GRAMD1C: variants seen among roughly 807,000 people sequenced by gnomAD.
GRAMD1C encodes the protein protein Aster-C.
In GRAMD1C, 89 loss-of-function variants were observed where a neutral mutation model predicts 97.8. The observed-to-expected ratio is 0.91, with a 90% CI of 0.77 to 1.09. The LOEUF (loss-of-function observed/expected upper bound fraction) is 1.09. Among genes scored for constraint, GRAMD1C ranks in the 50% least tolerant of loss-of-function variants. The pLI is 0.00. For missense variants in GRAMD1C, 740 were observed against 766.4 expected, an observed-to-expected ratio of 0.97 and a Z score of 0.41; for synonymous variants, 256 against 267.0, an observed-to-expected ratio of 0.96 and a Z score of 0.40.
intron 3 of GRAMD1C, among the ~76,000 whole-genome samples, chr3:113,872,391 C>CTTTTTTTT (rs777339692): frequency 7.7e-4 from 90 of 117,444 alleles, no homozygotes; most frequent in African/African-American, 1.6e-3. Context: ...TCTTTTTTTT[C>CTTTTTTTT]TTTTTTTTTT....
rs571791066 is a variant in GRAMD1C, at chr3:113,862,352, T to G, written c.175-7155T>G. On this transcript the variant is annotated intron_variant, in intron 2 of 17. Coordinates refer to ENST00000358160, the MANE Select transcript of GRAMD1C (RefSeq NM_017577.5). ...TCAGAGGCCTACCCTCAGGGACACA[T>G]TCTCTTTCTCAGGGATGTTCCTTGC... 1.1e-4 allele frequency among the ~76,000 whole-genome samples: 17 copies of G among 152,316 alleles called. No homozygotes were observed. The East Asian group carries it at 3.3e-3, about 29-fold the overall frequency.
At chr3:113,920,203 T>C (rs1482677441) in intron 10 of GRAMD1C, 3 of 1,269,300 alleles carry the variant, frequency 2.4e-6, no homozygotes, top group East Asian at 2.4e-5. Flanking sequence ...AAATGTGAAC[T>C]GAATAGGAGA....
Position 113,861,062 on chromosome 3 carries a change from T to C in GRAMD1C, c.175-8445T>C, listed in dbSNP as rs115470001. 8.7e-3 allele frequency among the ~76,000 whole-genome samples: 1,328 copies of C among 151,848 alleles called. 20 individuals are homozygous for C. Among genetic ancestry groups the C allele is most frequent in the African/African-American group, 0.028 (1,161 of 41,402 alleles). Reference sequence around the variant, plus strand: ...AATAAACCCTTAAGTTTATGATAAATTGATTTTTGAGTGTCAAAACAATTT... The same window carrying C: ...AATAAACCCTTAAGTTTATGATAAACTGATTTTTGAGTGTCAAAACAATTT... On this transcript the variant is annotated intron_variant, in intron 2 of 17. Transcript: ENST00000358160.
rs780554482 is a variant in GRAMD1C, at chr3:113,940,288, A to G, written c.1851A>G (p.Lys617=). Residue 617 remains lysine (K), a synonymous_variant, in exon 17 of 18, where the codon AAA becomes AAG. Transcript: ENST00000358160. ...VSRAETIQKN[K]DQAHRLKGVL... is the part of the protein sequence containing the mutation. ...GAGCAGAAACTATTCAGAAGAATAAAGATCAGGCCCATCGTTTAAAGGGAG... is the reference window on the plus strand; with the variant it reads ...GAGCAGAAACTATTCAGAAGAATAAGGATCAGGCCCATCGTTTAAAGGGAG... 1 of 1,612,172 alleles carries G rather than the reference A, an allele frequency of 6.2e-7. No homozygotes were observed. Among genetic ancestry groups the G allele is most frequent in the Non-Finnish European group, 8.5e-7 (1 of 1,178,172 alleles).
chr3:113,870,116 C>T (rs1934737263), intron 3 of GRAMD1C, among the ~76,000 whole-genome samples: 1 of 151,750 alleles, frequency 6.6e-6, no homozygotes, highest in African/African-American at 2.4e-5. Flanking sequence ...TATCCCAGCA[C>T]ATTGGGAGAC....
chr3:113,920,227 G>T, intron 10 of GRAMD1C: 1 of 1,005,542 alleles, frequency 9.9e-7, no homozygotes. Flanking sequence ...AAAAAAAAAA[G>T]CAACAAATTC....
At chr3:113,861,020 A>G (rs1466598901) in intron 2 of GRAMD1C, among the ~76,000 whole-genome samples, 1 of 151,874 alleles carries the variant, frequency 6.6e-6, no homozygotes, top group Non-Finnish European at 1.5e-5. Flanking sequence ...TTAAGGGAGT[A>G]GAATTGAGAG....
At chr3:113,850,238 T>C in intron 2 of GRAMD1C, 2 of 610,764 alleles carry the variant, frequency 3.3e-6, no homozygotes, top group South Asian at 2.8e-5. Flanking sequence ...TCTCCAGTTT[T>C]ACTGAGGTGG....
At chr3:113,930,263 A>G (rs1219922780) in intron 10 of GRAMD1C, among the ~76,000 whole-genome samples, 1 of 152,214 alleles carries the variant, frequency 6.6e-6, no homozygotes, top group Non-Finnish European at 1.5e-5. Flanking sequence ...TAACATTGAC[A>G]TAATTTCTAT....
chr3:113,887,591 C>G (rs1253507212), intron 6 of GRAMD1C, among the ~76,000 whole-genome samples: 1 of 135,018 alleles, frequency 7.4e-6, no homozygotes, highest in Non-Finnish European at 1.6e-5. Context: ...GTCCCAGCTA[C>G]TCGGGAGGCT....
At chr3:113,858,641 G>A (rs540763912) in intron 2 of GRAMD1C, among the ~76,000 whole-genome samples, 8 of 151,866 alleles carry the variant, frequency 5.3e-5, no homozygotes, top group South Asian at 2.1e-4. Context: ...TGACCCACCC[G>A]CCTTGTCTTC....
At chr3:113,930,608 T>C (rs558008093) in intron 10 of GRAMD1C, 106 bp from the exon 11 acceptor site, 1 of 656,086 alleles carries the variant, frequency 1.5e-6, no homozygotes, top group African/African-American at 1.8e-5. Flanking sequence ...AAGTTAGCAC[T>C]AGTCAAAAAT....
intron 10 of GRAMD1C, among the ~76,000 whole-genome samples, chr3:113,917,009 C>T (rs1441969435): frequency 6.6e-6 from 1 of 151,848 alleles, no homozygotes; most frequent in East Asian, 1.9e-4. Flanking sequence ...GGTGGTGCAC[C>T]CCTGTAGTCT....
At chr3:113,856,226 C>T (rs182155222) in intron 2 of GRAMD1C, among the ~76,000 whole-genome samples, 4 of 152,160 alleles carry the variant, frequency 2.6e-5, no homozygotes, top group Admixed American at 1.3e-4. Flanking sequence ...TCAACCTCCT[C>T]CTCTTTTACT....
intron 1 of GRAMD1C, among the ~76,000 whole-genome samples, chr3:113,844,129 G>A (rs958605887): frequency 6.6e-6 from 1 of 152,062 alleles, no homozygotes; most frequent in African/African-American, 2.4e-5. Flanking sequence ...TTTGTTGCAT[G>A]TATAAATGTA....
chr3:113,879,600 C>CTTG (rs1443938684), intron 5 of GRAMD1C, among the ~76,000 whole-genome samples: 2 of 151,750 alleles, frequency 1.3e-5, no homozygotes, highest in African/African-American at 2.4e-5. Context: ...TCACCCCATT[C>CTTG]TTGTTCTAAT....
chr3:113,885,187 C>G, intron 6 of GRAMD1C: 1 of 649,754 alleles, frequency 1.5e-6, no homozygotes, highest in Non-Finnish European at 2.7e-6. Flanking sequence ...TGCATTCTCT[C>G]CTGCCACTTG....
chr3:113,920,192 G>T, intron 10 of GRAMD1C: 1 of 1,327,210 alleles, frequency 7.5e-7, no homozygotes, highest in South Asian at 1.3e-5. Context: ...TCAACAGCCT[G>T]AAATGTGAAC....
At chr3:113,885,754 A>G in intron 6 of GRAMD1C, 1 of 1,585,052 alleles carries the variant, frequency 6.3e-7, no homozygotes, top group Non-Finnish European at 8.7e-7. Context: ...AGCATCCTTA[A>G]GAGGAGATAT....
Sources: gnomAD v4.1 joint callset for allele counts (sites outside exome capture counted in the v4.1 genomes callset) on GRCh38, gnomAD v4.1.1 for gene constraint, MANE v1.5 for transcripts, NCBI Gene and HGNC (gene_info 2026-07-23, HGNC 2026-07-21) for gene names.